RTN4: variants seen among roughly 807,000 people sequenced by gnomAD.
The protein encoded by RTN4 is reticulon-4.
RTN4 carries 32 observed loss-of-function variants against 90.4 expected under a neutral mutation model. That is an observed-to-expected ratio of 0.35 (90% CI 0.27 to 0.48). The LOEUF (loss-of-function observed/expected upper bound fraction) is 0.48. Among genes scored for constraint, RTN4 ranks in the 20% least tolerant of loss-of-function variants. The probability of loss-of-function intolerance (pLI) is 0.99; values close to 1 mark genes in which losing one functional copy is unlikely to be tolerated. For missense variants in RTN4, 1,706 were observed against 1,430.2 expected (o/e 1.19, Z -3.11); for synonymous variants, 629 against 552.5 (o/e 1.14, Z -1.94).
intron 1 of RTN4, among the ~76,000 whole-genome samples, chr2:55,094,136 G>A (rs1451043257): frequency 3.3e-5 from 5 of 152,136 alleles, no homozygotes; most frequent in Admixed American, 3.3e-4. Flanking sequence ...CCTTTGGGGG[G>A]TAATTAGATT....
At chr2:55,115,554 G>A (rs552959828), upstream of RTN4, among the ~76,000 whole-genome samples, 69 of 152,322 alleles carry the variant, frequency 4.5e-4, no homozygotes, top group Admixed American at 2.6e-4. Flanking sequence ...AGAATAAAGA[G>A]ATAACATCCT....
chr2:55,029,784 T>C (rs772505860), intron 1 of RTN4, among the ~76,000 whole-genome samples: 5 of 152,132 alleles, frequency 3.3e-5, no homozygotes, highest in Non-Finnish European at 5.9e-5. Context: ...GAGCACTAGG[T>C]AGGATGGGCT....
intron 1 of RTN4, among the ~76,000 whole-genome samples, chr2:55,100,090 A>T (rs1341473416): frequency 6.6e-6 from 1 of 152,174 alleles, no homozygotes. Flanking sequence ...ACTTGCACAT[A>T]TTAGAACATT....
chr2:55,002,437 T>C (rs1679917092), intron 3 of RTN4, among the ~76,000 whole-genome samples: 1 of 152,188 alleles, frequency 6.6e-6, no homozygotes, highest in Non-Finnish European at 1.5e-5. Context: ...CTATGGCTGT[T>C]TGCCATCTTC....
At chr2:55,008,877 A>G (rs1278415149) in intron 3 of RTN4, among the ~76,000 whole-genome samples, 2 of 152,160 alleles carry the variant, frequency 1.3e-5, no homozygotes, top group African/African-American at 4.8e-5. Context: ...AAGCTACCAT[A>G]TATCAATTCA....
At chr2:55,122,433 G>C in the RTN4 span, among the ~76,000 whole-genome samples, 2 of 152,196 alleles carry the variant, frequency 1.3e-5, no homozygotes, top group African/African-American at 4.8e-5. Flanking sequence ...TGCAACCTGT[G>C]TAGTCATTTG....
upstream of RTN4, among the ~76,000 whole-genome samples, chr2:55,113,887 C>T (rs2105070569): frequency 6.6e-6 from 1 of 152,308 alleles, no homozygotes; most frequent in African/African-American, 2.4e-5. Flanking sequence ...TCGGCCATCC[C>T]TTCCTGGCCA....
chr2:55,056,250 G>T (rs1001375355), intron 2 of RTN4, among the ~76,000 whole-genome samples: 1 of 152,036 alleles, frequency 6.6e-6, no homozygotes, highest in African/African-American at 2.4e-5. Context: ...CACTATCTAC[G>T]CTCCCTGCCC....
At chr2:55,055,563 C>G (rs1668173642), upstream of RTN4, among the ~76,000 whole-genome samples, 1 of 151,966 alleles carries the variant, frequency 6.6e-6, no homozygotes, top group Non-Finnish European at 1.5e-5. Flanking sequence ...GTCAGGAGAT[C>G]AGGATGATCC....
In RTN4 at chr2:55,104,931, C is replaced by A. The variant is rs111493074; in HGVS notation, c.-214+7589G>T. ...AAGCGATCTCCCCACCTCAGCCTCT[C>A]AAATAGCTGAGACCACAGGAGCATA... On this transcript the variant is annotated intron_variant, in intron 1 of 3. Transcript: ENST00000427710. Among the ~76,000 whole-genome samples the A allele has an allele frequency of 2.3e-3, 347 of 151,836 alleles. 2 individuals carry two copies. Among genetic ancestry groups the A allele is most frequent in the Admixed American group, 4.3e-3 (66 of 15,232 alleles).
rs1801911 is a variant in RTN4 at position 54,973,076 on chromosome 2, G to A, written c.*80C>T. 52 of 1,206,484 alleles carry A rather than the reference G, an allele frequency of 4.3e-5. No homozygotes were observed. Among genetic ancestry groups the A allele is most frequent in the African/African-American group, 6.0e-5 (4 of 66,728 alleles). 74.7% of individuals were successfully genotyped at this position (1,206,484 alleles called of 1,614,324 possible). A position where few individuals can be genotyped will look rare whatever the true frequency, so the allele number is the denominator to read the frequency against. Reference sequence around the variant, plus strand: ...AAACTGCACTGCAACGTCAAGGTTCGTTCTTCCCTGACCCTCCCCCGTATA... The same window carrying A: ...AAACTGCACTGCAACGTCAAGGTTCATTCTTCCCTGACCCTCCCCCGTATA... On this transcript the variant is annotated 3_prime_UTR_variant, in exon 9 of 9. Coordinates refer to ENST00000337526, the MANE Select transcript of RTN4 (RefSeq NM_020532.5).
chr2:55,042,690 T>G (rs1012704713), intron 1 of RTN4, among the ~76,000 whole-genome samples: 1 of 152,226 alleles, frequency 6.6e-6, no homozygotes, highest in Non-Finnish European at 1.5e-5. Context: ...TTGGGATTTT[T>G]ATTGAGAGAA....
At chr2:55,070,968 G>C (rs1029072125) in intron 2 of RTN4, among the ~76,000 whole-genome samples, 1 of 151,712 alleles carries the variant, frequency 6.6e-6, no homozygotes, top group East Asian at 1.9e-4. Context: ...ATTAGAGATG[G>C]GGTTTCACTG....
chr2:55,105,885 C>T (rs772468546), intron 1 of RTN4, among the ~76,000 whole-genome samples: 7 of 152,038 alleles, frequency 4.6e-5, no homozygotes, highest in Non-Finnish European at 8.8e-5. Context: ...GAGGCTGAGG[C>T]CAGAGGATCG....
the RTN4 span, among the ~76,000 whole-genome samples, chr2:55,126,982 G>A: frequency 1.3e-5 from 2 of 152,232 alleles, no homozygotes; most frequent in South Asian, 4.1e-4. Flanking sequence ...TGAACATGAA[G>A]GAAACAACAG....
intron 3 of RTN4, among the ~76,000 whole-genome samples, chr2:55,004,626 A>G (rs1484267913): frequency 6.6e-6 from 1 of 152,142 alleles, no homozygotes; most frequent in African/African-American, 2.4e-5. Context: ...AAATTTTCCA[A>G]AAATTTATGT....
At chr2:55,103,432 G>A (rs1254625023) in intron 1 of RTN4, among the ~76,000 whole-genome samples, 1 of 151,940 alleles carries the variant, frequency 6.6e-6, no homozygotes, top group Non-Finnish European at 1.5e-5. Context: ...ATACTGTATT[G>A]TACACTTAAA....
chr2:55,126,672 T>C, the RTN4 span, among the ~76,000 whole-genome samples: 5 of 152,324 alleles, frequency 3.3e-5, no homozygotes, highest in Middle Eastern at 3.4e-3. Flanking sequence ...AATCCCATTA[T>C]TGGGTATATC....
At position 55,025,768 on chromosome 2, in the gene RTN4, C is replaced by T. The variant is rs893092449; in HGVS notation, c.2331G>A (p.Glu777=). Residue 777 remains glutamate (E), a synonymous_variant, in exon 3 of 9, where the codon GAG becomes GAA. Coordinates refer to ENST00000337526, the MANE Select transcript of RTN4 (RefSeq NM_020532.5). ...VKESLTETSF[E]SMIEYENKEK... ...CCTTATTTTCATATTCTATCATTGA[C>T]TCAAATGAAGTCTCAGTGAGACTTT... The T allele has an allele frequency of 1.9e-6, 3 of 1,613,300 alleles. No homozygotes were observed. In the Admixed American group the frequency reaches 5.0e-5, roughly 27 times the overall value.
Sources: gnomAD v4.1 joint callset for allele counts (sites outside exome capture counted in the v4.1 genomes callset) on GRCh38, gnomAD v4.1.1 for gene constraint, MANE v1.5 for transcripts, NCBI Gene and HGNC (gene_info 2026-07-23, HGNC 2026-07-21) for gene names.